The following PEAK1 variants were observed in gnomAD, a reference collection of about 807,000 sequenced individuals.
PEAK1 encodes the protein pseudopodium enriched atypical kinase 1.
In PEAK1, 54 loss-of-function variants were observed where a neutral mutation model predicts 124.7. That is an observed-to-expected ratio of 0.43 (90% CI 0.35 to 0.54). The LOEUF is 0.54. Ranked by LOEUF, PEAK1 falls within the 20% of genes least tolerant of loss-of-function variation. PEAK1 has a pLI of 0.01. For synonymous variants in PEAK1, 719 were observed against 760.0 expected (o/e 0.95, Z 0.89); for missense variants, 2,046 against 2,134.5 (o/e 0.96, Z 0.82).
At chr15:77,320,233 C>T (rs192829978) in intron 2 of PEAK1, among the ~76,000 whole-genome samples, 19 of 152,188 alleles carry the variant, frequency 1.2e-4, no homozygotes, top group Admixed American at 3.9e-4. Flanking sequence ...TCACTCCTAC[C>T]AACAGAAATC....
At chr15:77,406,763 G>GA (rs1392813222) in intron 1 of PEAK1, among the ~76,000 whole-genome samples, 4 of 152,070 alleles carry the variant, frequency 2.6e-5, no homozygotes, top group African/African-American at 7.2e-5. Flanking sequence ...ATTCTTCATA[G>GA]AAAAAATGAT....
At chr15:77,137,076 T>C (rs1396454191) in intron 8 of PEAK1, among the ~76,000 whole-genome samples, 1 of 152,220 alleles carries the variant, frequency 6.6e-6, no homozygotes, top group Non-Finnish European at 1.5e-5. Context: ...GCAGCTTCCA[T>C]GTGGCGTTGA....
intron 7 of PEAK1, among the ~76,000 whole-genome samples, chr15:77,165,020 C>T (rs960056300): frequency 2.6e-5 from 4 of 152,000 alleles, no homozygotes; most frequent in Admixed American, 1.3e-4. Flanking sequence ...TTTCCTACCT[C>T]AGTCTCCCGA....
intron 5 of PEAK1, among the ~76,000 whole-genome samples, chr15:77,268,752 C>T (rs2152951930): frequency 6.6e-6 from 1 of 152,196 alleles, no homozygotes; most frequent in Non-Finnish European, 1.5e-5. Context: ...AGAATCTTAA[C>T]AGCTGTGAGG....
intron 8 of PEAK1, among the ~76,000 whole-genome samples, chr15:77,139,312 C>A (rs1284043055): frequency 2.6e-5 from 4 of 152,118 alleles, no homozygotes; most frequent in Non-Finnish European, 5.9e-5. Flanking sequence ...GGCTGTTTTA[C>A]AGTTTTTTAA....
Position 77,180,768 on chromosome 15 carries a change from A to G in PEAK1, c.1159T>C (p.Tyr387His). 6.2e-7 allele frequency: 1 copy of G among 1,614,032 alleles called. No individual in the cohort carries two copies. Among genetic ancestry groups the G allele is most frequent in the South Asian group, 1.1e-5 (1 of 91,080 alleles). The change falls in exon 7 of 10, where the codon TAT becomes CAT. Residue 387 changes from tyrosine to histidine, a missense_variant. Physicochemically the swap from Tyr to His is moderately conservative, Grantham distance 83. Coordinates refer to ENST00000682557, the MANE Select transcript of PEAK1 (RefSeq NM_001385026.1). ...SKDMKEIEPN[Y>H]ESPSSNNQDK... Reference sequence around the variant, plus strand: ...TGATTATTACTAGAGGGACTTTCATAATTGGGCTCAATTTCCTTCATGTCC... The same window carrying G: ...TGATTATTACTAGAGGGACTTTCATGATTGGGCTCAATTTCCTTCATGTCC...
chr15:77,305,197 CGGAAGGAGGGAG>C (rs1567234637), intron 2 of PEAK1, among the ~76,000 whole-genome samples: 11 of 78,568 alleles, frequency 1.4e-4, no homozygotes, highest in Non-Finnish European at 2.6e-4. Context: ...GAGGGAGGGA[CGGAAGGAGGGAG>C]GGAGGGAGGG....
At chr15:77,351,866 A>C in intron 2 of PEAK1, 1 of 985,442 alleles carries the variant, frequency 1.0e-6, no homozygotes, top group Non-Finnish European at 1.2e-6. Context: ...GCATACAAGA[A>C]AAGGACAGAC....
chr15:77,300,313 G>A (rs962903771), intron 2 of PEAK1, among the ~76,000 whole-genome samples: 2 of 152,240 alleles, frequency 1.3e-5, no homozygotes, highest in African/African-American at 4.8e-5. Context: ...ACTACAGGAT[G>A]TTTGAGGAAG....
chr15:77,168,235 G>GCACACA (rs768288460), intron 7 of PEAK1, among the ~76,000 whole-genome samples: 2 of 59,580 alleles, frequency 3.4e-5, no homozygotes, highest in Admixed American at 1.9e-4. Context: ...GCATGTGCGC[G>GCACACA]CGCACACACA....
intron 5 of PEAK1, among the ~76,000 whole-genome samples, chr15:77,263,446 A>G (rs140737642): frequency 0.017 from 2,530 of 152,320 alleles, 66 homozygotes; most frequent in African/African-American, 0.056. Flanking sequence ...CCACAGAAAT[A>G]CAAACTACCA....
intron 1 of PEAK1, chr15:77,417,467 G>GGGGGGGGGA (rs2072977411): frequency 1.3e-6 from 1 of 773,702 alleles, no homozygotes; most frequent in Non-Finnish European, 1.6e-6. Flanking sequence ...GGCGGGGGGG[G>GGGGGGGGGA]AGGGGGGCAA....
chr15:77,283,754 G>C (rs2062787006), intron 5 of PEAK1, 129 bp downstream of exon 5: 1 of 259,848 alleles, frequency 3.8e-6, no homozygotes, highest in Non-Finnish European at 6.0e-6. Context: ...CTTTGCATTA[G>C]TCAGGATAAC....
chr15:77,243,480 G>A (rs926051568), intron 6 of PEAK1, among the ~76,000 whole-genome samples: 1 of 152,102 alleles, frequency 6.6e-6, no homozygotes, highest in African/African-American at 2.4e-5. Flanking sequence ...AGGAAAAATC[G>A]ATCAATGATT....
chr15:77,324,079 T>C (rs1015937592), intron 2 of PEAK1, among the ~76,000 whole-genome samples: 24 of 152,150 alleles, frequency 1.6e-4, no homozygotes, highest in African/African-American at 2.4e-5. Context: ...AGACAGACAA[T>C]GAGATCCTCA....
intron 1 of PEAK1, chr15:77,402,007 TG>T: frequency 2.6e-6 from 2 of 777,668 alleles, no homozygotes; most frequent in Non-Finnish European, 3.1e-6. Flanking sequence ...AAGACCAACC[TG>T]GCCAACATGG....
intron 6 of PEAK1, among the ~76,000 whole-genome samples, chr15:77,230,263 G>A (rs149184085): frequency 0.023 from 3,421 of 151,268 alleles, 108 homozygotes; most frequent in African/African-American, 0.072. Context: ...GCAGTGGTGC[G>A]ATCTCAGCTC....
intron 5 of PEAK1, among the ~76,000 whole-genome samples, chr15:77,282,544 C>A (rs559143397): frequency 6.6e-6 from 1 of 152,166 alleles, no homozygotes; most frequent in Non-Finnish European, 1.5e-5. Context: ...GGGACACCAG[C>A]CTGGAAGCCT....
chr15:77,218,870 C>A (rs2059261272), intron 6 of PEAK1, among the ~76,000 whole-genome samples: 1 of 151,986 alleles, frequency 6.6e-6, no homozygotes, highest in African/African-American at 2.4e-5. Flanking sequence ...GCACTTAGTT[C>A]CTGGTTGCAA....
Sources: gnomAD v4.1 joint callset for allele counts (sites outside exome capture counted in the v4.1 genomes callset) on GRCh38, gnomAD v4.1.1 for gene constraint, MANE v1.5 for transcripts, NCBI Gene and HGNC (gene_info 2026-07-23, HGNC 2026-07-21) for gene names.